PTPRD: variants seen among roughly 807,000 people sequenced by gnomAD.
PTPRD encodes receptor-type tyrosine-protein phosphatase delta.
In PTPRD, 34 loss-of-function variants were observed where a neutral mutation model predicts 214.5. The observed-to-expected ratio is 0.16, with a 90% CI of 0.12 to 0.21. The LOEUF is 0.21. Among genes scored for constraint, PTPRD ranks in the 10% least tolerant of loss-of-function variants. PTPRD has a pLI of 1.00. For missense variants in PTPRD, 2,545 were observed against 2,398.7 expected (o/e 1.06, Z -1.27); for synonymous variants, 1,128 against 845.7 (o/e 1.33, Z -5.79).
intron 12 of PTPRD, among the ~76,000 whole-genome samples, chr9:8,724,289 T>C (rs979683756): frequency 1.3e-5 from 2 of 152,222 alleles, no homozygotes; most frequent in African/African-American, 4.8e-5. Context: ...TCCTTCACTC[T>C]AAATTTTAAC....
At chr9:10,095,537 T>G (rs1355512581) in intron 3 of PTPRD, among the ~76,000 whole-genome samples, 1 of 151,582 alleles carries the variant, frequency 6.6e-6, no homozygotes, top group Non-Finnish European at 1.5e-5. Flanking sequence ...TACAGAAGAC[T>G]AGACAGTGGT....
At chr9:9,295,281 A>G (rs1412887) in intron 9 of PTPRD, among the ~76,000 whole-genome samples, 131,597 of 151,760 alleles carry the variant, frequency 0.87, 57,351 homozygotes, top group East Asian at 1. Flanking sequence ...GTAAAATTAT[A>G]TCAGAAGTAT....
chr9:10,170,014 CA>C (rs1268384579), intron 3 of PTPRD, among the ~76,000 whole-genome samples: 3 of 152,098 alleles, frequency 2.0e-5, no homozygotes, highest in African/African-American at 7.2e-5. Context: ...TCTCTTATCA[CA>C]AAATGCAAGT....
chr9:8,800,202 T>G (rs904073183), intron 11 of PTPRD, among the ~76,000 whole-genome samples: 2 of 152,000 alleles, frequency 1.3e-5, no homozygotes, highest in African/African-American at 2.4e-5. Context: ...ACACCAAAAG[T>G]TTTAATGACT....
intron 3 of PTPRD, among the ~76,000 whole-genome samples, chr9:10,100,573 A>G (rs2098541914): frequency 6.6e-6 from 1 of 151,758 alleles, no homozygotes; most frequent in South Asian, 2.1e-4. Context: ...ATATGCAACA[A>G]TGAGAATTTC....
At chr9:8,425,918 C>T (rs1273710219) in intron 35 of PTPRD, among the ~76,000 whole-genome samples, 1 of 152,018 alleles carries the variant, frequency 6.6e-6, no homozygotes, top group Non-Finnish European at 1.5e-5. Context: ...GATATAATTT[C>T]CAGAAATGAT....
intron 10 of PTPRD, among the ~76,000 whole-genome samples, chr9:9,074,267 GT>G (rs1431365062): frequency 2.0e-5 from 3 of 152,018 alleles, no homozygotes; most frequent in African/African-American, 7.2e-5. Context: ...AAATACTGAA[GT>G]TTACATGAAG....
At chr9:10,478,142 A>C (rs1266585228) in intron 2 of PTPRD, among the ~76,000 whole-genome samples, 1 of 148,468 alleles carries the variant, frequency 6.7e-6, no homozygotes, top group Non-Finnish European at 1.5e-5. Flanking sequence ...ACTTAAAGTA[A>C]AATGGAAAAA....
At chr9:10,141,355 T>C (rs549433544) in intron 3 of PTPRD, among the ~76,000 whole-genome samples, 3 of 152,204 alleles carry the variant, frequency 2.0e-5, no homozygotes, top group African/African-American at 7.2e-5. Context: ...GAAAACCCCA[T>C]TGTCTCAGCC....
chr9:9,098,528 C>A (rs985945317), intron 10 of PTPRD, among the ~76,000 whole-genome samples: 6 of 152,170 alleles, frequency 3.9e-5, no homozygotes, highest in Non-Finnish European at 7.3e-5. Context: ...GGATTATAGG[C>A]ATGAGCCACC....
chr9:8,782,733 G>C (rs933421935), intron 11 of PTPRD, among the ~76,000 whole-genome samples: 4 of 151,874 alleles, frequency 2.6e-5, no homozygotes, highest in Non-Finnish European at 4.4e-5. Flanking sequence ...GAGTAGCTGG[G>C]ATTACAGGCG....
chr9:8,634,483 G>C (rs1032898082), intron 13 of PTPRD, among the ~76,000 whole-genome samples: 4 of 152,022 alleles, frequency 2.6e-5, no homozygotes, highest in African/African-American at 9.7e-5. Flanking sequence ...TTAACACAGA[G>C]AGGAAGGACA....
intron 8 of PTPRD, among the ~76,000 whole-genome samples, chr9:9,553,052 A>G (rs1221343483): frequency 1.3e-5 from 2 of 152,148 alleles, no homozygotes; most frequent in South Asian, 2.1e-4. Flanking sequence ...TAATTTATTC[A>G]ATTTCTTTTT....
At chr9:10,216,258 G>T (rs1212235859) in intron 3 of PTPRD, among the ~76,000 whole-genome samples, 1 of 151,732 alleles carries the variant, frequency 6.6e-6, no homozygotes, top group Non-Finnish European at 1.5e-5. Context: ...AGCCTCCCTG[G>T]CCTCACTGCA....
At chr9:10,468,182 C>G (rs1490825329) in intron 2 of PTPRD, among the ~76,000 whole-genome samples, 1 of 152,192 alleles carries the variant, frequency 6.6e-6, no homozygotes, top group Non-Finnish European at 1.5e-5. Context: ...AATCATTCTA[C>G]TCTAAAGACA....
intron 2 of PTPRD, among the ~76,000 whole-genome samples, chr9:10,397,193 CT>C (rs1285177377): frequency 6.6e-6 from 1 of 152,024 alleles, no homozygotes; most frequent in Non-Finnish European, 1.5e-5. Flanking sequence ...CAGGAACGTT[CT>C]TGCATTTGCA....
At chr9:9,704,230 T>C (rs2097555171) in intron 7 of PTPRD, among the ~76,000 whole-genome samples, 3 of 152,204 alleles carry the variant, frequency 2.0e-5, no homozygotes, top group African/African-American at 2.4e-5. Flanking sequence ...TCTGTGATAT[T>C]GCCATCAAAT....
At chr9:10,071,384 G>A (rs1420191064) in intron 3 of PTPRD, among the ~76,000 whole-genome samples, 1 of 152,052 alleles carries the variant, frequency 6.6e-6, no homozygotes, top group East Asian at 1.9e-4. Flanking sequence ...TTACCGTAGA[G>A]CTACAGTAAC....
chr9:8,976,181 G>C (rs2099267019), intron 11 of PTPRD, among the ~76,000 whole-genome samples: 1 of 151,888 alleles, frequency 6.6e-6, no homozygotes. Context: ...TGCCCTATCT[G>C]GGGAAAGTTC....
Sources: gnomAD v4.1 joint callset for allele counts (sites outside exome capture counted in the v4.1 genomes callset) on GRCh38, gnomAD v4.1.1 for gene constraint, MANE v1.5 for transcripts, NCBI Gene and HGNC (gene_info 2026-07-23, HGNC 2026-07-21) for gene names.